The following INVS variants were observed in gnomAD, a reference collection of about 807,000 sequenced individuals.
INVS encodes the protein inversin, also known as inversion of embryo turning homolog.
INVS carries 86 observed loss-of-function variants against 108.8 expected under a neutral mutation model. The ratio of observed to expected loss-of-function variants is 0.79; its 90% confidence interval spans 0.66 to 0.95. The LOEUF (loss-of-function observed/expected upper bound fraction) is 0.95, where lower values mean the gene tolerates loss of function less well. Among genes scored for constraint, INVS ranks in the 40% least tolerant of loss-of-function variants. INVS has a pLI of 0.00. For synonymous variants in INVS, 455 were observed against 473.5 expected (o/e 0.96, Z 0.51); for missense variants, 1,169 against 1,297.4 (o/e 0.90, Z 1.52).
chr9:100,129,290 T>A (rs1827980463), intron 3 of INVS, among the ~76,000 whole-genome samples: 1 of 151,984 alleles, frequency 6.6e-6, no homozygotes, highest in Non-Finnish European at 1.5e-5. Flanking sequence ...GAGACCAGCC[T>A]GGGCAACATG....
chr9:100,145,763 A>G (rs1204907234), intron 3 of INVS, among the ~76,000 whole-genome samples: 1 of 152,170 alleles, frequency 6.6e-6, no homozygotes, highest in Non-Finnish European at 1.5e-5. Flanking sequence ...TTAAACACCA[A>G]GGGAAGACTG....
chr9:100,288,554 C>T (rs183725658), intron 13 of INVS, among the ~76,000 whole-genome samples: 65 of 151,806 alleles, frequency 4.3e-4, no homozygotes, highest in Non-Finnish European at 1.9e-4. Context: ...ATTTTTTTGT[C>T]GAGCTGAGAG....
At chr9:100,197,336 G>A (rs1229374479) in intron 3 of INVS, among the ~76,000 whole-genome samples, 1 of 152,198 alleles carries the variant, frequency 6.6e-6, no homozygotes, top group African/African-American at 2.4e-5. Flanking sequence ...ACTTTGGGAG[G>A]TTGAGGCGAG....
rs142505463 is a variant in INVS at position 100,144,226 on chromosome 9, G to T, written c.273+17677G>T. 4.9e-3 allele frequency among the ~76,000 whole-genome samples: 740 copies of T among 152,300 alleles called. 7 individuals carry two copies. The highest frequency in any genetic ancestry group is 0.017 in the African/African-American group (698 of 41,548). Reference sequence around the variant, plus strand: ...GTGGTTCAGGTGTTTGGAAGTTCTTGTGTGCTGGTGATGTGGCTGGGATAT... The same window carrying T: ...GTGGTTCAGGTGTTTGGAAGTTCTTTTGTGCTGGTGATGTGGCTGGGATAT... On this transcript the variant is annotated intron_variant, in intron 3 of 16. Coordinates refer to ENST00000262457, the MANE Select transcript of INVS (RefSeq NM_014425.5).
chr9:100,223,960 G>T lies in INVS; in HGVS notation c.274-2102G>T, dbSNP rs1356242043. 1.3e-5 allele frequency among the ~76,000 whole-genome samples: 2 copies of T among 152,050 alleles called. 1 individual carries two copies. ...TACAGCAGGGATGTCCAATCTTTTGGCTTCCCTGGGCCACACTGGAAGAAG... is the reference window on the plus strand; with the variant it reads ...TACAGCAGGGATGTCCAATCTTTTGTCTTCCCTGGGCCACACTGGAAGAAG... On this transcript the variant is annotated intron_variant, in intron 3 of 16. Transcript: ENST00000262457.
intron 3 of INVS, among the ~76,000 whole-genome samples, chr9:100,171,526 G>T (rs1829541220): frequency 6.6e-6 from 1 of 152,100 alleles, no homozygotes; most frequent in South Asian, 2.1e-4. Flanking sequence ...TGACTATGAG[G>T]TAGAAAACGT....
intron 10 of INVS, among the ~76,000 whole-genome samples, chr9:100,261,365 G>A (rs549823057): frequency 1.1e-4 from 16 of 150,546 alleles, no homozygotes; most frequent in African/African-American, 1.7e-4. Context: ...TCCCGGGTTC[G>A]CGCCATTCTT....
intron 3 of INVS, among the ~76,000 whole-genome samples, chr9:100,162,546 G>A (rs1030746971): frequency 4.6e-5 from 7 of 152,126 alleles, no homozygotes; most frequent in South Asian, 2.1e-4. Flanking sequence ...TCAAATACCC[G>A]TATCTTGTTT....
At chr9:100,117,951 C>T (rs1827598790) in intron 2 of INVS, among the ~76,000 whole-genome samples, 1 of 152,140 alleles carries the variant, frequency 6.6e-6, no homozygotes, top group Non-Finnish European at 1.5e-5. Flanking sequence ...CAGTCTGCAA[C>T]TCAGAAGAGA....
chr9:100,154,577 A>G (rs906995930), intron 3 of INVS, among the ~76,000 whole-genome samples: 1 of 152,040 alleles, frequency 6.6e-6, no homozygotes, highest in Admixed American at 6.6e-5. Context: ...TTTATATAAC[A>G]TTATAAAATG....
At chr9:100,200,546 T>C (rs923190872) in intron 3 of INVS, among the ~76,000 whole-genome samples, 2 of 152,210 alleles carry the variant, frequency 1.3e-5, no homozygotes, top group South Asian at 4.1e-4. Flanking sequence ...TCCTGGTACA[T>C]AGTCTATACT....
At chr9:100,138,038 A>G (rs1304200670) in intron 3 of INVS, among the ~76,000 whole-genome samples, 1 of 152,204 alleles carries the variant, frequency 6.6e-6, no homozygotes, top group Admixed American at 6.5e-5. Flanking sequence ...TGCTTTATTT[A>G]TAAGTAACTT....
chr9:100,296,949 G>A lies in INVS; in HGVS notation c.2819G>A (p.Arg940Gln), dbSNP rs369751285. Reference protein sequence around the residue: ...YQLRKHLSHLRHMKQLGAGDV... With the variant: ...YQLRKHLSHLQHMKQLGAGDV... The stretch of plus-strand genomic sequence containing the variant: ...CTCAGGAAGCACCTGTCCCACCTTC[G>A]GCATATGAAGCAGCTTGGAGCTGGA... The change falls in exon 15 of 17, where the codon CGG becomes CAG. Residue 940 changes from arginine to glutamine, a missense_variant. Around this residue, in one of 3 missense-constraint regions of INVS, gnomAD observed 533 missense variants for 536.0 expected, o/e 0.99. Transcript: ENST00000262457. The A allele has an allele frequency of 1.8e-4, 286 of 1,613,960 alleles. 2 individuals carry two copies. Among genetic ancestry groups the A allele is most frequent in the South Asian group, 1.6e-3 (145 of 91,048 alleles).
In INVS at chr9:100,284,407, C is replaced by T. The variant is rs1401008737; in HGVS notation, c.1872C>T (p.Pro624=). ...ATTCCTGCAGACCCCAGGCCCTTCC[C>T]TGTCTGCCTAGCACCCAGGATGTGC... ...SPDSCRPQAL[P]CLPSTQDVPS... Residue 624 remains proline (P), a synonymous_variant, in exon 13 of 17, where the codon CCC becomes CCT. Transcript: ENST00000262457. The T allele has an allele frequency of 6.2e-7, 1 of 1,614,000 alleles. No individual in the cohort carries two copies. Among genetic ancestry groups the T allele is most frequent in the Non-Finnish European group, 8.5e-7 (1 of 1,180,066 alleles).
At chr9:100,156,955 C>CAT (rs980565969) in intron 3 of INVS, among the ~76,000 whole-genome samples, 3 of 141,452 alleles carry the variant, frequency 2.1e-5, no homozygotes, top group African/African-American at 5.9e-5. Flanking sequence ...CACACACACA[C>CAT]ATATATATAT....
chr9:100,117,611 C>A, intron 2 of INVS: 1 of 646,508 alleles, frequency 1.5e-6, no homozygotes. Context: ...GGCCCCCCGC[C>A]CCCCCCGCCC....
At chr9:100,275,390 A>G (rs1295715685) in intron 12 of INVS, among the ~76,000 whole-genome samples, 1 of 152,170 alleles carries the variant, frequency 6.6e-6, no homozygotes, top group African/African-American at 2.4e-5. Context: ...ATAAGGTGGG[A>G]CTCAACAAAG....
In INVS at chr9:100,173,080, C is replaced by G. The variant is rs533630884; in HGVS notation, c.273+46531C>G. On this transcript the variant is annotated intron_variant, in intron 3 of 16. Transcript: ENST00000262457. ...ATGGCCTAAGTACTTCTCACATCAT[C>G]AAGATTGATACAGCAGTACTCAACC... 7.2e-5 allele frequency among the ~76,000 whole-genome samples: 11 copies of G among 152,270 alleles called. No individual in the cohort carries two copies. The East Asian group carries it at 1.7e-3, about 24-fold the overall frequency.
At chr9:100,251,783 G>A (rs1832247184) in intron 8 of INVS, among the ~76,000 whole-genome samples, 1 of 152,168 alleles carries the variant, frequency 6.6e-6, no homozygotes, top group Non-Finnish European at 1.5e-5. Flanking sequence ...CGTGCTTTCA[G>A]TACCACTGGG....
Sources: allele counts gnomAD v4.1 joint callset (sites outside exome capture counted in the v4.1 genomes callset), GRCh38; gene constraint gnomAD v4.1.1; regional missense constraint gnomAD v4.1.1; transcripts MANE v1.5; gene names NCBI Gene and HGNC (gene_info 2026-07-23, HGNC 2026-07-21).